PCDHAC1: variants seen among roughly 807,000 people sequenced by gnomAD.
PCDHAC1 encodes the protein protocadherin alpha-C1.
PCDHAC1 carries 42 observed loss-of-function variants against 60.0 expected under a neutral mutation model. That is an observed-to-expected ratio of 0.70 (90% confidence interval 0.55 to 0.90). The LOEUF (loss-of-function observed/expected upper bound fraction) is 0.90. Among genes scored for constraint, PCDHAC1 ranks in the 40% least tolerant of loss-of-function variants. PCDHAC1 has a pLI of 0.00. For synonymous variants in PCDHAC1, 468 were observed against 499.3 expected (o/e 0.94, Z 0.84); for missense variants, 1,160 against 1,222.3 (o/e 0.95, Z 0.76).
intron 1 of PCDHAC1, among the ~76,000 whole-genome samples, chr5:140,932,800 C>A (rs1041924506): frequency 6.6e-6 from 1 of 151,684 alleles, no homozygotes; most frequent in Non-Finnish European, 1.5e-5. Context: ...AAAAGCAATA[C>A]CTTGGAAACA....
chr5:140,970,096 T>C (rs2096383552), intron 1 of PCDHAC1, among the ~76,000 whole-genome samples: 1 of 152,066 alleles, frequency 6.6e-6, no homozygotes, highest in South Asian at 2.1e-4. Flanking sequence ...GGGGGGATGG[T>C]GAAGACCAAG....
At chr5:140,949,181 A>G (rs2094350223) in intron 1 of PCDHAC1, among the ~76,000 whole-genome samples, 2 of 151,604 alleles carry the variant, frequency 1.3e-5, no homozygotes, top group Non-Finnish European at 3.0e-5. Context: ...CAGAGAACAT[A>G]CTCTGCATGA....
intron 1 of PCDHAC1, among the ~76,000 whole-genome samples, chr5:140,951,706 G>A (rs2094621330): frequency 6.6e-6 from 1 of 152,060 alleles, no homozygotes; most frequent in African/African-American, 2.4e-5. Context: ...CTTTGGGCGG[G>A]GACACAGATC....
intron 1 of PCDHAC1, among the ~76,000 whole-genome samples, chr5:140,974,521 G>GT (rs1223492348): frequency 3.0e-4 from 45 of 152,208 alleles, no homozygotes; most frequent in African/African-American, 1.0e-3. Flanking sequence ...TTTTATTTTA[G>GT]TTTTTTTGAG....
At position 140,976,656 on chromosome 5, in the gene PCDHAC1, C is replaced by T. The variant is rs551402825; in HGVS notation, c.2434-2293C>T. ...AATCAGACAAGTAATTTAATCTCTC[C>T]AAAGTTCAGATGTCTCATTTTTGCA... is the stretch of plus-strand genomic sequence containing the variant. On this transcript the variant is annotated intron_variant, in intron 1 of 3. Transcript: ENST00000253807. Among the ~76,000 whole-genome samples the T allele has an allele frequency of 3.3e-5, 5 of 152,272 alleles. No homozygotes were observed. The South Asian group carries it at 1.0e-3, about 32-fold the overall frequency.
rs183321523 is a variant in PCDHAC1 at position 140,948,382 on chromosome 5, A to G, written c.2433+19057A>G. Among the ~76,000 whole-genome samples the G allele has an allele frequency of 1.2e-3, 182 of 151,516 alleles. 1 individual carries two copies. Among genetic ancestry groups the G allele is most frequent in the African/African-American group, 3.9e-3 (163 of 41,496 alleles). ...TGACTTAGGAGGTGTTCCTTCCTCT[A>G]TTTTCTGAAAGGTTGTGTAATATTG... On this transcript the variant is annotated intron_variant, in intron 1 of 3. Coordinates refer to ENST00000253807, the MANE Select transcript of PCDHAC1 (RefSeq NM_018898.5).
chr5:140,985,572 C>G (rs2097158307), intron 3 of PCDHAC1, among the ~76,000 whole-genome samples: 1 of 152,142 alleles, frequency 6.6e-6, no homozygotes, highest in Non-Finnish European at 1.5e-5. Context: ...CTTTCTGGTG[C>G]CTAAGCCTCC....
rs1476576189 is a variant in PCDHAC1, at chr5:140,926,441, A to G, written c.-452A>G. ...AGGATGTGGAGGTTAAGATCTGGGC[A>G]GCCTCAGGGCGTTGTCCTAGAAAAC... On this transcript the variant is annotated 5_prime_UTR_variant, in exon 1 of 4. Transcript: ENST00000253807. The G allele has an allele frequency of 6.5e-6, 1 of 154,800 alleles. No homozygotes were observed. Among genetic ancestry groups the G allele is most frequent in the African/African-American group, 2.4e-5 (1 of 41,558 alleles). The allele number at this position is 154,800 out of a possible 1,614,324, so 9.6% of individuals were successfully genotyped here. A position where few individuals can be genotyped will look rare whatever the true frequency, so the allele number is the denominator to read the frequency against.
rs149739125 is a variant in PCDHAC1, at chr5:140,954,248, C to T, written c.2434-24701C>T. 1.2e-3 allele frequency among the ~76,000 whole-genome samples: 179 copies of T among 152,316 alleles called. 1 individual carries two copies. The highest frequency in any genetic ancestry group is 4.0e-3 in the African/African-American group (166 of 41,572). ...TGAATAGTGCTGCAATGAACATACACATGCAGGTATCTTTATAATAGGATG... is the reference window on the plus strand; with the variant it reads ...TGAATAGTGCTGCAATGAACATACATATGCAGGTATCTTTATAATAGGATG... On this transcript the variant is annotated intron_variant, in intron 1 of 3. Coordinates refer to ENST00000253807, the MANE Select transcript of PCDHAC1 (RefSeq NM_018898.5).
chr5:140,967,747 A>G (rs782650276), intron 1 of PCDHAC1: 36 of 1,614,042 alleles, frequency 2.2e-5, no homozygotes, highest in Non-Finnish European at 3.0e-5. Context: ...ATTATGAGGA[A>G]GCCTCCTCCT....
Position 140,944,942 on chromosome 5 carries a change from T to C in PCDHAC1, c.2433+15617T>C, listed in dbSNP as rs564740183. Among the ~76,000 whole-genome samples the C allele has an allele frequency of 2.0e-4, 31 of 152,326 alleles. No individual in the cohort carries two copies. The South Asian group carries it at 3.7e-3, about 18-fold the overall frequency. On this transcript the variant is annotated intron_variant, in intron 1 of 3. Coordinates refer to ENST00000253807, the MANE Select transcript of PCDHAC1 (RefSeq NM_018898.5). ...ATTGGTTTATGCCTTCTTTAGATGATTGTGAATAAGAGTATTATCTTAACC... is the reference window on the plus strand; with the variant it reads ...ATTGGTTTATGCCTTCTTTAGATGACTGTGAATAAGAGTATTATCTTAACC...
intron 1 of PCDHAC1, among the ~76,000 whole-genome samples, chr5:140,948,544 G>A (rs2094271073): frequency 1.3e-5 from 2 of 151,392 alleles, no homozygotes; most frequent in Admixed American, 1.3e-4. Flanking sequence ...TTCATGCTCT[G>A]TCAATTTTGT....
chr5:140,967,682 C>G, intron 1 of PCDHAC1: 2 of 1,614,176 alleles, frequency 1.2e-6, no homozygotes, highest in South Asian at 2.2e-5. Context: ...CCGGGAGAGG[C>G]AGCTCTTCAG....
intron 3 of PCDHAC1, among the ~76,000 whole-genome samples, chr5:141,000,421 ATTTTTTT>A (rs34755515): frequency 5.7e-4 from 16 of 27,976 alleles, no homozygotes; most frequent in Non-Finnish European, 7.4e-4. Flanking sequence ...ATATATATAT[ATTTTTTT>A]TTTTTTTTTT....
intron 2 of PCDHAC1, among the ~76,000 whole-genome samples, chr5:140,979,303 C>A (rs1048294748): frequency 6.6e-6 from 1 of 152,148 alleles, no homozygotes; most frequent in Non-Finnish European, 1.5e-5. Context: ...CTCCTTCATC[C>A]CTCTCTACCT....
chr5:141,001,395 A>G (rs1331071816), intron 3 of PCDHAC1, among the ~76,000 whole-genome samples: 1 of 152,202 alleles, frequency 6.6e-6, no homozygotes. Flanking sequence ...TCCTACAGAG[A>G]ACAGGGAGTA....
chr5:140,927,763 G>C lies in PCDHAC1; in HGVS notation c.871G>C (p.Gly291Arg), dbSNP rs1554205034. The C allele has an allele frequency of 6.2e-7, 1 of 1,614,198 alleles. No individual in the cohort carries two copies. Among genetic ancestry groups the C allele is most frequent in the African/African-American group, 1.3e-5 (1 of 75,054 alleles). Reference protein sequence around the residue: ...RHRFHVHPKSGEVQVAASLGP... With the variant: ...RHRFHVHPKSREVQVAASLGP... Reference sequence around the variant, plus strand: ...CCGCTTTCACGTGCACCCTAAAAGTGGGGAGGTGCAAGTAGCTGCTTCACT... The same window carrying C: ...CCGCTTTCACGTGCACCCTAAAAGTCGGGAGGTGCAAGTAGCTGCTTCACT... The change falls in exon 1 of 4, where the codon GGG (glycine) becomes CGG (arginine). Residue 291 changes from glycine to arginine, a missense_variant. Physicochemically the swap from Gly to Arg is moderately radical, Grantham distance 125 (BLOSUM62 -2). Coordinates refer to ENST00000253807, the MANE Select transcript of PCDHAC1 (RefSeq NM_018898.5).
At chr5:140,960,515 A>G (rs1445432467) in intron 1 of PCDHAC1, among the ~76,000 whole-genome samples, 1 of 152,182 alleles carries the variant, frequency 6.6e-6, no homozygotes, top group Non-Finnish European at 1.5e-5. Flanking sequence ...AGCAAACATA[A>G]TGGGTATAGG....
intron 1 of PCDHAC1, chr5:140,966,476 C>T (rs1326063829): frequency 1.8e-5 from 8 of 432,854 alleles, no homozygotes; most frequent in Non-Finnish European, 2.8e-5. Flanking sequence ...CTTCTGTTTC[C>T]TTTTCCCTCC....
Sources: gnomAD v4.1 joint callset for allele counts (sites outside exome capture counted in the v4.1 genomes callset) on GRCh38, gnomAD v4.1.1 for gene constraint, MANE v1.5 for transcripts, NCBI Gene and HGNC (gene_info 2026-07-23, HGNC 2026-07-21) for gene names.